The following ARHGEF38 variants were observed in gnomAD, a reference collection of about 807,000 sequenced individuals.
The protein encoded by ARHGEF38 is Rho guanine nucleotide exchange factor (GEF) 38.
Under a neutral mutation model 79.9 loss-of-function variants are expected in ARHGEF38, and 79 were observed. The observed-to-expected ratio is 0.99, with a 90% CI of 0.82 to 1.19. ARHGEF38 has a LOEUF of 1.19. ARHGEF38 is among the 50% of genes most tolerant of loss of function. The pLI is 0.00. For synonymous variants in ARHGEF38, 366 were observed against 328.3 expected (o/e 1.11, Z -1.24); for missense variants, 962 against 907.2 (o/e 1.06, Z -0.78).
At chr4:105,631,125 G>A in intron 4 of ARHGEF38, 80 bp downstream of exon 4, 1 of 1,472,348 alleles carries the variant, frequency 6.8e-7, no homozygotes, top group East Asian at 2.5e-5. Context: ...TAGATGAAAG[G>A]TCTCACATAA....
At chr4:105,561,419 A>AATAGAATAGAATGGAATGGAATG (rs1725538816) in intron 1 of ARHGEF38, among the ~76,000 whole-genome samples, 2 of 46,046 alleles carry the variant, frequency 4.3e-5, no homozygotes, top group African/African-American at 2.0e-4. Context: ...AGAATAGAAT[A>AATAGAATAGAATGGAATGGAATG]GAATGGAATA....
chr4:105,622,395 GA>G (rs1728772350), intron 3 of ARHGEF38, among the ~76,000 whole-genome samples: 1 of 152,192 alleles, frequency 6.6e-6, no homozygotes, highest in East Asian at 1.9e-4. Flanking sequence ...GCTAAAATGA[GA>G]AGTACATAGA....
At position 105,630,974 on chromosome 4, in the gene ARHGEF38, T is replaced by C. The variant is rs764760665; in HGVS notation, c.585T>C (p.His195=). The part of the protein sequence containing the change: ...KIYCYHHDEA[H]SILESYEKEE... ...ACTGCTATCACCATGATGAAGCACA[T>C]AGTATACTGGAGTCCTATGAAAAGG... The change falls in exon 4 of 14, where the codon CAT becomes CAC. Residue 195 remains histidine (H), a synonymous_variant. Transcript: ENST00000420470. 9 of 1,613,874 alleles carry C rather than the reference T, an allele frequency of 5.6e-6. No homozygotes were observed. Among genetic ancestry groups the C allele is most frequent in the Non-Finnish European group, 7.6e-6 (9 of 1,179,872 alleles).
At chr4:105,607,486 G>A (rs554478876) in intron 2 of ARHGEF38, among the ~76,000 whole-genome samples, 25 of 152,118 alleles carry the variant, frequency 1.6e-4, no homozygotes, top group African/African-American at 1.4e-4. Flanking sequence ...CCCCAGAACC[G>A]TGTTAGACAC....
At chr4:105,585,444 G>C (rs1726986550) in intron 1 of ARHGEF38, among the ~76,000 whole-genome samples, 1 of 151,924 alleles carries the variant, frequency 6.6e-6, no homozygotes, top group South Asian at 2.1e-4. Context: ...TCCTTGGCCA[G>C]GAATCTCCAC....
At chr4:105,670,086 T>C (rs1038692895) in intron 13 of ARHGEF38, among the ~76,000 whole-genome samples, 4 of 152,246 alleles carry the variant, frequency 2.6e-5, no homozygotes, top group African/African-American at 9.6e-5. Flanking sequence ...TGAATTATGC[T>C]GCTATGAATA....
chr4:105,573,219 GCA>G (rs1269920723), intron 1 of ARHGEF38, among the ~76,000 whole-genome samples: 1 of 151,966 alleles, frequency 6.6e-6, no homozygotes, highest in Non-Finnish European at 1.5e-5. Context: ...GTCTTCTGAT[GCA>G]CAAACTTTAA....
intron 1 of ARHGEF38, among the ~76,000 whole-genome samples, chr4:105,587,410 T>C (rs1727107004): frequency 6.6e-6 from 1 of 152,216 alleles, no homozygotes; most frequent in Non-Finnish European, 1.5e-5. Context: ...TCATTCTCTC[T>C]CCTTGAATAG....
At chr4:105,598,043 G>T (rs762592281) in intron 2 of ARHGEF38, among the ~76,000 whole-genome samples, 9 of 151,718 alleles carry the variant, frequency 5.9e-5, no homozygotes, top group Non-Finnish European at 1.0e-4. Context: ...TTTTCAGAGG[G>T]GTAGAGACTA....
At chr4:105,631,566 T>C in intron 4 of ARHGEF38, 1 of 985,430 alleles carries the variant, frequency 1.0e-6, no homozygotes. Flanking sequence ...CCCTAAAACA[T>C]TGGTGGGGGA....
At chr4:105,607,323 C>T (rs1196348371) in intron 2 of ARHGEF38, among the ~76,000 whole-genome samples, 1 of 152,072 alleles carries the variant, frequency 6.6e-6, no homozygotes, top group African/African-American at 2.4e-5. Flanking sequence ...CTTTAAACCA[C>T]TTTTGATCTT....
intron 7 of ARHGEF38, 74 bp from the exon 8 acceptor site, chr4:105,653,991 C>A: frequency 1.3e-6 from 1 of 772,566 alleles, no homozygotes; most frequent in South Asian, 2.8e-5. Flanking sequence ...ATGTGCTGGA[C>A]CAATATGGTC....
chr4:105,657,516 A>G (rs1016976458), intron 9 of ARHGEF38, among the ~76,000 whole-genome samples: 1 of 152,214 alleles, frequency 6.6e-6, no homozygotes, highest in Non-Finnish European at 1.5e-5. Context: ...AGGACAAAAT[A>G]ATAAAGTCTA....
intron 13 of ARHGEF38, among the ~76,000 whole-genome samples, chr4:105,671,892 CT>C (rs1241046373): frequency 6.6e-6 from 1 of 152,044 alleles, no homozygotes; most frequent in African/African-American, 2.4e-5. Context: ...TGTGGTAGCA[CT>C]TTTTTTATTT....
chr4:105,642,290 G>C (rs1329908365), intron 5 of ARHGEF38, among the ~76,000 whole-genome samples: 1 of 152,122 alleles, frequency 6.6e-6, no homozygotes, highest in Non-Finnish European at 1.5e-5. Flanking sequence ...ACTCTCTCAA[G>C]TATATCTCCA....
chr4:105,661,863 T>C (rs1730577582), intron 10 of ARHGEF38, among the ~76,000 whole-genome samples: 1 of 152,202 alleles, frequency 6.6e-6, no homozygotes, highest in African/African-American at 2.4e-5. Flanking sequence ...CTTTTGTGTA[T>C]TAACCTGTCC....
At chr4:105,557,324 T>C (rs1403989203) in intron 1 of ARHGEF38, among the ~76,000 whole-genome samples, 3 of 152,050 alleles carry the variant, frequency 2.0e-5, no homozygotes, top group African/African-American at 7.2e-5. Context: ...TTTGCAATGA[T>C]TAGACTTTTT....
rs532529701 is a variant in ARHGEF38 at position 105,583,860 on chromosome 4, A to AT, written c.197-5379dup. Among the ~76,000 whole-genome samples the AT allele has an allele frequency of 2.8e-3, 424 of 151,014 alleles. 2 individuals are homozygous for AT. Among genetic ancestry groups the AT allele is most frequent in the Middle Eastern group, 0.014 (4 of 292 alleles). ...TGTCCTTGAATTGTTAAGGGATGCT[A>AT]TTTTTTTTTCTATTGATCACCACCA... is the stretch of plus-strand genomic sequence containing the variant. On this transcript the variant is annotated intron_variant, in intron 1 of 13. Transcript: ENST00000420470.
chr4:105,566,810 A>G (rs924695296), intron 1 of ARHGEF38, among the ~76,000 whole-genome samples: 7 of 149,856 alleles, frequency 4.7e-5, no homozygotes, highest in African/African-American at 1.7e-4. Flanking sequence ...CTGGAGTGCA[A>G]TGGCACGATC....
Sources: allele counts gnomAD v4.1 joint callset (sites outside exome capture counted in the v4.1 genomes callset), GRCh38; gene constraint gnomAD v4.1.1; transcripts MANE v1.5; gene names NCBI Gene and HGNC (gene_info 2026-07-23, HGNC 2026-07-21).